The following TPGS2 variants were observed in gnomAD, a reference collection of about 807,000 sequenced individuals.
The protein encoded by TPGS2 is tubulin polyglutamylase complex subunit 2.
TPGS2 carries 26 observed loss-of-function variants against 31.1 expected under a neutral mutation model. The observed-to-expected ratio is 0.84, with a 90% confidence interval of 0.61 to 1.16. The LOEUF is 1.16. Among genes scored for constraint, TPGS2 ranks in the 50% most tolerant of loss-of-function variants. The probability of loss-of-function intolerance (pLI) is 0.00; values close to 1 mark genes in which losing one functional copy is unlikely to be tolerated. For missense variants in TPGS2, 351 were observed against 363.8 expected, an observed-to-expected ratio of 0.96 and a Z score of 0.29; for synonymous variants, 130 against 136.6, an observed-to-expected ratio of 0.95 and a Z score of 0.34.
intron 1 of TPGS2, among the ~76,000 whole-genome samples, chr18:36,827,965 G>T (rs1390750560): frequency 1.3e-5 from 2 of 152,144 alleles, no homozygotes; most frequent in Non-Finnish European, 2.9e-5. Context: ...CCAGCACTTT[G>T]GGAGGTCGAG....
In TPGS2 at chr18:36,795,395, C is replaced by T; in HGVS notation, c.*1410G>A. 1 of 985,322 alleles carries T rather than the reference C, an allele frequency of 1.0e-6. No homozygotes were observed. The highest frequency in any genetic ancestry group is 1.2e-6 in the Non-Finnish European group (1 of 829,924). The allele number at this position is 985,322 out of a possible 1,614,324, so 61.0% of individuals were successfully genotyped here. A position where few individuals can be genotyped will look rare whatever the true frequency, so the allele number is the denominator to read the frequency against. ...GACTGAAGTGTGCAGATGGTAGAGG[C>T]CCCTGCACCTCATTCCTCAAAACTC... On this transcript the variant is annotated 3_prime_UTR_variant, in exon 7 of 7. Transcript: ENST00000334295.
intron 2 of TPGS2, among the ~76,000 whole-genome samples, chr18:36,812,727 G>A (rs1314083483): frequency 6.6e-6 from 1 of 152,234 alleles, no homozygotes; most frequent in Admixed American, 6.5e-5. Flanking sequence ...AACAACCTGG[G>A]ACTTGCAATT....
At position 36,796,051 on chromosome 18, in the gene TPGS2, C is replaced by G; in HGVS notation, c.*754G>C. On this transcript the variant is annotated 3_prime_UTR_variant, in exon 7 of 7. Coordinates refer to ENST00000334295, the MANE Select transcript of TPGS2 (RefSeq NM_015476.4). Reference sequence around the variant, plus strand: ...AAACATCATAACACAAAACTGGAAGCAAGAAACTTCACTGGAAACTGATGA... The same window carrying G: ...AAACATCATAACACAAAACTGGAAGGAAGAAACTTCACTGGAAACTGATGA... 1 of 985,366 alleles carries G rather than the reference C, an allele frequency of 1.0e-6. No homozygotes were observed. The allele number at this position is 985,366 out of a possible 1,614,324, so 61.0% of individuals were successfully genotyped here.
Position 36,795,836 on chromosome 18 carries a change from G to C in TPGS2, c.*969C>G. The C allele has an allele frequency of 1.0e-6, 1 of 985,492 alleles. No homozygotes were observed. The highest frequency in any genetic ancestry group is 1.2e-6 in the Non-Finnish European group (1 of 829,966). 61.0% of individuals were successfully genotyped at this position (985,492 alleles called of 1,614,324 possible). A position where few individuals can be genotyped will look rare whatever the true frequency, so the allele number is the denominator to read the frequency against. The stretch of plus-strand genomic sequence containing the variant: ...AAGTGAGGCTGGACAACTCAGAGCT[G>C]TGAAGAGGCAGGCAGAGCAGGTGGA... On this transcript the variant is annotated 3_prime_UTR_variant, in exon 7 of 7. Coordinates refer to ENST00000334295, the MANE Select transcript of TPGS2 (RefSeq NM_015476.4).
In TPGS2 at chr18:36,805,385, T is replaced by C. The variant is rs755065481; in HGVS notation, c.371A>G (p.Asp124Gly). ...TGGTATCTTCCTACCTTCATGTGTA[T>C]CGTCCTCCAGGTCTGCCAGAGTGGG... Reference protein sequence around the residue: ...NAPTLADLEDDTHEASDDQPE... With the variant: ...NAPTLADLEDGTHEASDDQPE... The change falls in exon 4 of 7, where the codon GAT becomes GGT. Residue 124 changes from aspartate to glycine, a missense_variant. Asp to Gly is a moderately conservative substitution (Grantham distance 94). Transcript: ENST00000334295. The C allele has an allele frequency of 6.2e-7, 1 of 1,613,938 alleles. No homozygotes were observed. The highest frequency in any genetic ancestry group is 1.1e-5 in the South Asian group (1 of 91,078).
downstream of TPGS2, among the ~76,000 whole-genome samples, chr18:36,790,446 G>A (rs561901648): frequency 5.3e-5 from 8 of 152,328 alleles, no homozygotes; most frequent in African/African-American, 1.9e-4. Context: ...ATCAAGGATG[G>A]TATTGGACAA....
downstream of TPGS2, among the ~76,000 whole-genome samples, chr18:36,792,382 C>A (rs961256665): frequency 3.9e-5 from 6 of 152,162 alleles, no homozygotes; most frequent in African/African-American, 1.4e-4. Flanking sequence ...ATTCATTATG[C>A]TCTTCTATCT....
intron 1 of TPGS2, 48 bp from the exon 2 acceptor site, chr18:36,819,021 T>C (rs765664472): frequency 4.1e-6 from 6 of 1,477,976 alleles, no homozygotes; most frequent in Non-Finnish European, 4.7e-6. Flanking sequence ...TCCGCTGTCA[T>C]ACATTTCTAC....
intron 1 of TPGS2, among the ~76,000 whole-genome samples, chr18:36,819,731 T>A (rs11662292): frequency 6.6e-6 from 1 of 152,138 alleles, no homozygotes; most frequent in Non-Finnish European, 1.5e-5. Flanking sequence ...CTGTTATGAC[T>A]TGAATTCTGT....
At chr18:36,823,084 T>C (rs2045963243) in intron 1 of TPGS2, among the ~76,000 whole-genome samples, 1 of 152,252 alleles carries the variant, frequency 6.6e-6, no homozygotes, top group Non-Finnish European at 1.5e-5. Flanking sequence ...AATTAGCAGC[T>C]TTAAACAACA....
chr18:36,811,309 T>A (rs2045414535), intron 2 of TPGS2, among the ~76,000 whole-genome samples: 2 of 151,952 alleles, frequency 1.3e-5, no homozygotes, highest in South Asian at 4.1e-4. Flanking sequence ...AGGGCTTGGT[T>A]AACTGAACCC....
At chr18:36,828,534 C>T in intron 1 of TPGS2, 149 bp downstream of exon 1, 1 of 837,770 alleles carries the variant, frequency 1.2e-6, no homozygotes, top group Middle Eastern at 2.5e-4. Flanking sequence ...ACCCAGGTCC[C>T]CCACTTTCCT....
Position 36,818,695 on chromosome 18 carries a change from A to C in TPGS2, c.165+199T>G, listed in dbSNP as rs185604296. ...TCTGTAGGAGAGTGGGGCTCAGGGG[A>C]AACACTCCATGCTGGGTAAGTGGCA... On this transcript the variant is annotated intron_variant, in intron 2 of 6. Transcript: ENST00000334295. The C allele has an allele frequency of 3.0e-5, 15 of 498,790 alleles. No homozygotes were observed. The East Asian group carries it at 4.2e-4, about 14-fold the overall frequency. 30.9% of individuals were successfully genotyped at this position (498,790 alleles called of 1,614,324 possible). A position where few individuals can be genotyped will look rare whatever the true frequency, so the allele number is the denominator to read the frequency against.
chr18:36,826,742 C>A (rs1048487065), intron 1 of TPGS2, among the ~76,000 whole-genome samples: 1 of 152,100 alleles, frequency 6.6e-6, no homozygotes, highest in African/African-American at 2.4e-5. Context: ...GTAATCCTTG[C>A]GTCAAATCAT....
At position 36,828,837 on chromosome 18, in the gene TPGS2, A is replaced by T. The variant is rs554002352; in HGVS notation, c.-70T>A. 12 of 1,558,958 alleles carry T rather than the reference A, an allele frequency of 7.7e-6. No individual in the cohort carries two copies. In the South Asian group the frequency reaches 1.2e-4, roughly 16 times the overall value. Reference sequence around the variant, plus strand: ...CGGACCCCGCCTCAGCGCCGAGGCCAATTTCATGGCATGCCGGGAACGGTA... The same window carrying T: ...CGGACCCCGCCTCAGCGCCGAGGCCTATTTCATGGCATGCCGGGAACGGTA... On this transcript the variant is annotated 5_prime_UTR_variant, in exon 1 of 7. It introduces an in-frame stop codon into an upstream open reading frame of the 5' UTR. Coordinates refer to ENST00000334295, the MANE Select transcript of TPGS2 (RefSeq NM_015476.4).
At chr18:36,808,203 C>T (rs1207950253) in intron 2 of TPGS2, among the ~76,000 whole-genome samples, 1 of 151,886 alleles carries the variant, frequency 6.6e-6, no homozygotes, top group Non-Finnish European at 1.5e-5. Flanking sequence ...CAAAGGAGCT[C>T]AAAGGGAACA....
chr18:36,826,123 G>A (rs776338075), intron 1 of TPGS2, among the ~76,000 whole-genome samples: 6 of 151,792 alleles, frequency 4.0e-5, no homozygotes, highest in African/African-American at 9.7e-5. Context: ...CTGTAGCCTC[G>A]AACTCCTGGG....
At chr18:36,809,236 T>C (rs751858503) in intron 2 of TPGS2, among the ~76,000 whole-genome samples, 2 of 152,124 alleles carry the variant, frequency 1.3e-5, no homozygotes, top group Non-Finnish European at 2.9e-5. Context: ...ACACTGGCAG[T>C]ACGAGGGGGT....
At chr18:36,807,651 C>T (rs1235080855) in intron 3 of TPGS2, 196 bp downstream of exon 3, 8 of 600,346 alleles carry the variant, frequency 1.3e-5, no homozygotes, top group African/African-American at 5.6e-5. Context: ...GCTAGACTGT[C>T]GTGGGATTTG....
Sources: gnomAD v4.1 joint callset for allele counts (sites outside exome capture counted in the v4.1 genomes callset) on GRCh38, gnomAD v4.1.1 for gene constraint, MANE v1.5 for transcripts, NCBI Gene and HGNC (gene_info 2026-07-23, HGNC 2026-07-21) for gene names.